DMAC2: variants seen among roughly 807,000 people sequenced by gnomAD.
The protein encoded by DMAC2 is distal membrane-arm assembly complex protein 2.
Under a neutral mutation model 29.6 loss-of-function variants are expected in DMAC2, and 32 were observed. That is an observed-to-expected ratio of 1.08 (90% CI 0.81 to 1.45). The LOEUF is 1.45. Ranked by LOEUF, DMAC2 falls within the 40% of genes most tolerant of loss-of-function variation. DMAC2 has a pLI of 0.00. For missense variants in DMAC2, 319 were observed against 340.0 expected, an observed-to-expected ratio of 0.94 and a Z score of 0.49; for synonymous variants, 133 against 137.4, an observed-to-expected ratio of 0.97 and a Z score of 0.23.
rs1555771767 is a variant in DMAC2 at position 41,438,241 on chromosome 19, C to T, written c.192G>A (p.Met64Ile). The T allele has an allele frequency of 1.2e-6, 2 of 1,614,142 alleles. No homozygotes were observed. Among genetic ancestry groups the T allele is most frequent in the African/African-American group, 1.3e-5 (1 of 75,080 alleles). Reference sequence around the variant, plus strand: ...ACCGATTTTTCTCATGCACCTTGTACATCTCCCTTTGGAGCAAGTAATCCC... The same window carrying T: ...ACCGATTTTTCTCATGCACCTTGTATATCTCCCTTTGGAGCAAGTAATCCC... ...ALRDYLLQREMYKVHEKNRSY... is the reference protein window; with the variant it reads ...ALRDYLLQREIYKVHEKNRSY... Residue 64 changes from methionine (M) to isoleucine (I), a missense_variant, in exon 2 of 6, where the codon ATG becomes ATA. By Grantham distance (10) the Met-to-Ile change is conservative. Coordinates refer to ENST00000221943, the MANE Select transcript of DMAC2 (RefSeq NM_018035.3).
intron 2 of DMAC2, among the ~76,000 whole-genome samples, chr19:41,437,154 C>A (rs1555771450): frequency 6.6e-6 from 1 of 152,030 alleles, no homozygotes; most frequent in African/African-American, 2.4e-5. Context: ...AATCCCAGCA[C>A]TTTGGAAGGC....
intron 3 of DMAC2, among the ~76,000 whole-genome samples, chr19:41,435,319 G>C (rs2039800835): frequency 6.6e-6 from 1 of 152,050 alleles, no homozygotes; most frequent in Non-Finnish European, 1.5e-5. Flanking sequence ...ACCCAGGCTG[G>C]AGTGCAGTGG....
In DMAC2 at chr19:41,433,328, C is replaced by T. The variant is rs782449446; in HGVS notation, c.540G>A (p.Ser180=). The T allele has an allele frequency of 4.0e-5, 64 of 1,611,784 alleles. No homozygotes were observed. The highest frequency in any genetic ancestry group is 5.5e-5 in the South Asian group (5 of 91,066). ...YPLADSLQEL[S]LAGCPRISER... Reference sequence around the variant, plus strand: ...CGGAGATGCGGGGGCAACCGGCCAGCGAGAGCTCCTGCAACGAGTCGGCCA... The same window carrying T: ...CGGAGATGCGGGGGCAACCGGCCAGTGAGAGCTCCTGCAACGAGTCGGCCA... The change falls in exon 5 of 6, where the codon TCG becomes TCA. Residue 180 remains serine, a synonymous_variant. Coordinates refer to ENST00000221943, the MANE Select transcript of DMAC2 (RefSeq NM_018035.3).
chr19:41,435,116 A>AT (rs1331527122), intron 3 of DMAC2, among the ~76,000 whole-genome samples: 2 of 152,140 alleles, frequency 1.3e-5, no homozygotes, highest in Admixed American at 1.3e-4. Context: ...GGTAGCTGGG[A>AT]TTACAGGCAT....
rs1264961334 is a variant in DMAC2, at chr19:41,439,647, C to T, written c.18+235G>A. The stretch of plus-strand genomic sequence containing the variant: ...GCCACTCCCTCATCCCCATTGGATA[C>T]TCTCAGCCAAGTCCCTGCCTCCTCT... On this transcript the variant is annotated intron_variant, in intron 1 of 5. Transcript: ENST00000221943. 24 of 1,397,282 alleles carry T rather than the reference C, an allele frequency of 1.7e-5. No homozygotes were observed. The African/African-American group carries it at 2.4e-4, about 14-fold the overall frequency. The allele number at this position is 1,397,282 out of a possible 1,614,324, so 86.6% of individuals were successfully genotyped here.
chr19:41,434,563 G>T (rs1568522029), intron 3 of DMAC2, among the ~76,000 whole-genome samples: 1 of 152,036 alleles, frequency 6.6e-6, no homozygotes, highest in Non-Finnish European at 1.5e-5. Flanking sequence ...TGTTTCTAAG[G>T]AAGTTGCCAG....
At chr19:41,439,838 G>A (rs782477559) in intron 1 of DMAC2, 44 bp downstream of exon 1, 4 of 1,614,018 alleles carry the variant, frequency 2.5e-6, no homozygotes, top group South Asian at 1.1e-5. Context: ...GGAGGCTGTA[G>A]AGCGGACTTC....
chr19:41,436,755 G>A (rs1302542129), intron 2 of DMAC2, among the ~76,000 whole-genome samples: 3 of 152,214 alleles, frequency 2.0e-5, no homozygotes, highest in African/African-American at 7.2e-5. Context: ...AAACTGCAGA[G>A]AATGTCAATT....
At chr19:41,432,790 G>GCA in intron 5 of DMAC2, 1 of 445,650 alleles carries the variant, frequency 2.2e-6, no homozygotes. Flanking sequence ...GTGCGTGTGT[G>GCA]TGTGTGTGTG....
In DMAC2 at chr19:41,433,628, GA is replaced by G; in HGVS notation, c.341del (p.Phe114SerfsTer34). On this transcript the variant is annotated frameshift_variant, in exon 4 of 6. Transcript: ENST00000221943. LOFTEE classifies it high-confidence loss of function. ...CACAGAAATTCCAGAACTCCTGAGA[GA>G]AATGGCCATACTTATCTGGCCTGAT... ...EWIRPDKYGH[F>X]SQEFWNFCEV... 1.9e-6 allele frequency: 3 copies of G among 1,614,250 alleles called. No individual in the cohort carries two copies. The highest frequency in any genetic ancestry group is 2.5e-6 in the Non-Finnish European group (3 of 1,180,036).
intron 2 of DMAC2, 32 bp from the exon 3 acceptor site, chr19:41,436,504 C>A: frequency 6.3e-7 from 1 of 1,588,914 alleles, no homozygotes; most frequent in Non-Finnish European, 8.6e-7. Context: ...AGGGTGAGGC[C>A]TGGGGAGCAC....
chr19:41,432,529 C>T (rs1252628331), intron 5 of DMAC2, 121 bp from the exon 6 acceptor site: 1 of 872,086 alleles, frequency 1.1e-6, no homozygotes, highest in African/African-American at 2.0e-5. Flanking sequence ...AGTGTAAGGA[C>T]AGCGTGTGTG....
chr19:41,432,855 A>AGT, intron 5 of DMAC2: 3 of 478,522 alleles, frequency 6.3e-6, no homozygotes, highest in Non-Finnish European at 1.1e-5. Flanking sequence ...CTTACAGGAC[A>AGT]GTGTGTGTGC....
Position 41,438,286 on chromosome 19 carries a change from G to A in DMAC2, c.147C>T (p.Phe49=). 1 of 1,614,270 alleles carries A rather than the reference G, an allele frequency of 6.2e-7. No homozygotes were observed. The highest frequency in any genetic ancestry group is 1.6e-4 in the Middle Eastern group (1 of 6,062). ...RTILQFLTNY[F]YDVEALRDYL... ...AATCCCTCAGAGCCTCCACATCGTA[G>A]AAATAGTTGGTCAGGAACTGGAGTA... is the stretch of plus-strand genomic sequence containing the variant. Residue 49 remains phenylalanine, a synonymous_variant, in exon 2 of 6, where the codon TTC becomes TTT. Coordinates refer to ENST00000221943, the MANE Select transcript of DMAC2 (RefSeq NM_018035.3).
chr19:41,432,090 A>G lies in DMAC2; in HGVS notation c.*141T>C. 1 of 932,144 alleles carries G rather than the reference A, an allele frequency of 1.1e-6. No individual in the cohort carries two copies. The highest frequency in any genetic ancestry group is 1.6e-6 in the Non-Finnish European group (1 of 623,894). The allele number at this position is 932,144 out of a possible 1,614,324, so 57.7% of individuals were successfully genotyped here. On this transcript the variant is annotated 3_prime_UTR_variant, in exon 6 of 6. Coordinates refer to ENST00000221943, the MANE Select transcript of DMAC2 (RefSeq NM_018035.3). ...AGCCAGGAATAAATACTGGGAACTC[A>G]CGCTCTCTCCTGTGATTGGCCAGCA... is the stretch of plus-strand genomic sequence containing the variant.
intron 1 of DMAC2, chr19:41,439,649 C>T: frequency 1.4e-6 from 2 of 1,387,230 alleles, no homozygotes; most frequent in East Asian, 2.5e-5. Flanking sequence ...ATTGGATACT[C>T]TCAGCCAAGT....
chr19:41,432,166 G>A lies in DMAC2; in HGVS notation c.*65C>T. 1 of 1,541,906 alleles carries A rather than the reference G, an allele frequency of 6.5e-7. No homozygotes were observed. The highest frequency in any genetic ancestry group is 8.8e-7 in the Non-Finnish European group (1 of 1,131,410). The stretch of plus-strand genomic sequence containing the variant: ...GAAGACAAATGGAAGCCAGAAGTGT[G>A]GTGAGCTACCAGACATTCCATGCAG... On this transcript the variant is annotated 3_prime_UTR_variant, in exon 6 of 6. Coordinates refer to ENST00000221943, the MANE Select transcript of DMAC2 (RefSeq NM_018035.3).
chr19:41,436,994 G>A (rs1166386888), intron 2 of DMAC2, among the ~76,000 whole-genome samples: 1 of 152,186 alleles, frequency 6.6e-6, no homozygotes, highest in Non-Finnish European at 1.5e-5. Context: ...TCCTGATAGG[G>A]GGTCTCAAAG....
Position 41,436,466 on chromosome 19 carries a change from G to GT in DMAC2, c.221dup (p.Tyr74Ter), listed in dbSNP as rs1555771218. The GT allele has an allele frequency of 1.2e-6, 2 of 1,614,154 alleles. No individual in the cohort carries two copies. Among genetic ancestry groups the GT allele is most frequent in the Admixed American group, 1.7e-5 (1 of 60,028 alleles). The change falls in exon 3 of 6, where the codon TAC becomes TAAC. Residue 74 changes from tyrosine (Y) to a stop codon, truncating the protein, a stop_gained and frameshift_variant. Transcript: ENST00000221943. LOFTEE classifies it high-confidence loss of function. ...MYKVHEKNRS[Y>*]TWLEKQHGPY... ...GACCATGTTGCTTCTCCAGCCAGGTGTAAGATCTGCAGAGAAAATGGTAGC... is the reference window on the plus strand; with the variant it reads ...GACCATGTTGCTTCTCCAGCCAGGTGTTAAGATCTGCAGAGAAAATGGTAGC...
Sources: gnomAD v4.1 joint callset for allele counts (sites outside exome capture counted in the v4.1 genomes callset) on GRCh38, gnomAD v4.1.1 for gene constraint, MANE v1.5 for transcripts, NCBI Gene and HGNC (gene_info 2026-07-23, HGNC 2026-07-21) for gene names.